NBEA: variants seen among roughly 807,000 people sequenced by gnomAD.
NBEA encodes the protein neurobeachin.
NBEA carries 44 observed loss-of-function variants against 343.4 expected under a neutral mutation model. The ratio of observed to expected loss-of-function variants is 0.13; its 90% CI spans 0.10 to 0.16. NBEA has a LOEUF of 0.16. Among genes scored for constraint, NBEA ranks in the 10% least tolerant of loss-of-function variants. The pLI is 1.00. For synonymous variants in NBEA, 1,175 were observed against 1,238.7 expected, an observed-to-expected ratio of 0.95 and a Z score of 1.08; for missense variants, 2,555 against 3,631.3, an observed-to-expected ratio of 0.70 and a Z score of 7.62.
intron 29 of NBEA, 50 bp from the exon 30 acceptor site, chr13:35,183,926 G>A (rs891485931): frequency 3.7e-6 from 5 of 1,337,014 alleles, no homozygotes; most frequent in Non-Finnish European, 5.3e-6. Flanking sequence ...GGACCATGTG[G>A]CAGGTTGTTA....
intron 38 of NBEA, among the ~76,000 whole-genome samples, chr13:35,427,624 TCTGTGTG>T (rs1594601110): frequency 1.3e-5 from 2 of 152,148 alleles, no homozygotes; most frequent in East Asian, 3.9e-4. Context: ...CAGATCTCAA[TCTGTGTG>T]CTGGGAGAAC....
intron 10 of NBEA, among the ~76,000 whole-genome samples, chr13:35,089,639 A>G (rs1433316716): frequency 1.6e-5 from 2 of 127,314 alleles, no homozygotes; most frequent in African/African-American, 6.3e-5. Context: ...TATTCACAAT[A>G]GCAAAGACTT....
At chr13:35,266,446 A>G (rs2033685100) in intron 34 of NBEA, among the ~76,000 whole-genome samples, 1 of 151,880 alleles carries the variant, frequency 6.6e-6, no homozygotes, top group Non-Finnish European at 1.5e-5. Context: ...TTAAGTGTCC[A>G]TTAACAGATT....
intron 1 of NBEA, among the ~76,000 whole-genome samples, chr13:35,023,574 A>C (rs2152542999): frequency 6.6e-6 from 1 of 152,288 alleles, no homozygotes. Context: ...GTGGAAGTTA[A>C]GTTGGGCCTT....
At position 35,588,747 on chromosome 13, in the gene NBEA, C is replaced by T. The variant is rs539081238; in HGVS notation, c.7177-4581C>T. Among the ~76,000 whole-genome samples the T allele has an allele frequency of 5.3e-5, 8 of 151,574 alleles. No individual in the cohort carries two copies. The South Asian group carries it at 8.3e-4, about 16-fold the overall frequency. ...TGGAATGTTTTTACTTTACAACTTA[C>T]CCTAGACATATAACATGTATACAGA... On this transcript the variant is annotated intron_variant, in intron 46 of 58. Coordinates refer to ENST00000379939, the MANE Select transcript of NBEA (RefSeq NM_001385012.1).
intron 17 of NBEA, among the ~76,000 whole-genome samples, chr13:35,124,951 A>C (rs992495256): frequency 2.0e-5 from 3 of 152,122 alleles, no homozygotes; most frequent in Non-Finnish European, 4.4e-5. Flanking sequence ...AATTAAAATA[A>C]ACTGACTGGA....
At chr13:35,248,611 TAAAC>T (rs143490267) in intron 34 of NBEA, among the ~76,000 whole-genome samples, 70,765 of 151,400 alleles carry the variant, frequency 0.47, 19,121 homozygotes, top group Non-Finnish European at 0.59. Flanking sequence ...AGCAAACAAA[TAAAC>T]AAACAAAAAA....
intron 34 of NBEA, among the ~76,000 whole-genome samples, chr13:35,253,248 C>G (rs1412684623): frequency 6.6e-6 from 1 of 152,162 alleles, no homozygotes; most frequent in Non-Finnish European, 1.5e-5. Flanking sequence ...TTTACAGATA[C>G]TATGTTAACA....
chr13:34,942,817 G>C lies in NBEA; in HGVS notation c.-4G>C. ...CTCTTCCCTTCTCCTCAGGAGGGGG[G>C]CCAATGGCTAGCGAGAAGCCGGGCC... On this transcript the variant is annotated 5_prime_UTR_variant, in exon 1 of 59. Transcript: ENST00000379939. 7.3e-7 allele frequency: 1 copy of C among 1,363,254 alleles called. No homozygotes were observed. Among genetic ancestry groups the C allele is most frequent in the Non-Finnish European group, 9.4e-7 (1 of 1,058,704 alleles). 84.4% of individuals were successfully genotyped at this position (1,363,254 alleles called of 1,614,324 possible). A position where few individuals can be genotyped will look rare whatever the true frequency, so the allele number is the denominator to read the frequency against.
chr13:35,082,485 A>T (rs2064467296), intron 10 of NBEA, among the ~76,000 whole-genome samples: 1 of 152,208 alleles, frequency 6.6e-6, no homozygotes, highest in Non-Finnish European at 1.5e-5. Context: ...TCCCTGAGGA[A>T]TCGCCACACT....
intron 1 of NBEA, among the ~76,000 whole-genome samples, chr13:34,991,144 T>C (rs1033174917): frequency 1.3e-5 from 2 of 152,228 alleles, no homozygotes; most frequent in Non-Finnish European, 2.9e-5. Context: ...TTGGTCTTCC[T>C]GTCTTATGAG....
chr13:35,141,369 C>T (rs1412042855), intron 17 of NBEA, among the ~76,000 whole-genome samples: 2 of 152,076 alleles, frequency 1.3e-5, no homozygotes, highest in African/African-American at 4.8e-5. Flanking sequence ...CAGGTTTAAG[C>T]GATTCTTCTG....
At chr13:35,427,763 G>T (rs1243892750) in intron 38 of NBEA, among the ~76,000 whole-genome samples, 1 of 152,186 alleles carries the variant, frequency 6.6e-6, no homozygotes, top group Non-Finnish European at 1.5e-5. Flanking sequence ...AGGCCTCCTT[G>T]AGCTGTGGTG....
intron 31 of NBEA, among the ~76,000 whole-genome samples, chr13:35,204,233 T>G (rs1310745824): frequency 6.6e-6 from 1 of 152,190 alleles, no homozygotes; most frequent in Non-Finnish European, 1.5e-5. Flanking sequence ...GTACTCCTTA[T>G]GATAATCTAA....
intron 13 of NBEA, among the ~76,000 whole-genome samples, chr13:35,113,769 C>T (rs557804991): frequency 1.2e-4 from 19 of 152,304 alleles, no homozygotes; most frequent in Non-Finnish European, 2.2e-4. Context: ...ACATAGTCAG[C>T]TCTGACATTG....
At chr13:35,418,832 G>A (rs758883340) in intron 38 of NBEA, among the ~76,000 whole-genome samples, 3 of 152,050 alleles carry the variant, frequency 2.0e-5, no homozygotes, top group Admixed American at 2.0e-4. Flanking sequence ...GTTTTAGTTC[G>A]TTGAGGCTGC....
At chr13:34,969,316 T>A (rs557054757) in intron 1 of NBEA, among the ~76,000 whole-genome samples, 28 of 146,706 alleles carry the variant, frequency 1.9e-4, no homozygotes, top group East Asian at 1.8e-3. Flanking sequence ...TTTTGGTTTT[T>A]AAAAAAAAAA....
At chr13:35,160,208 A>T (rs546367356) in intron 22 of NBEA, among the ~76,000 whole-genome samples, 176 bp downstream of exon 22, 2 of 152,272 alleles carry the variant, frequency 1.3e-5, no homozygotes, top group East Asian at 3.9e-4. Context: ...AACTAAAAAT[A>T]TCTCAATTAT....
chr13:35,541,182 G>A (rs1416703732), intron 41 of NBEA, among the ~76,000 whole-genome samples: 1 of 151,202 alleles, frequency 6.6e-6, no homozygotes, highest in Non-Finnish European at 1.5e-5. Context: ...TGTGTCCGTT[G>A]CCCCCCCACC....
Sources: allele counts gnomAD v4.1 joint callset (sites outside exome capture counted in the v4.1 genomes callset), GRCh38; gene constraint gnomAD v4.1.1; transcripts MANE v1.5; gene names NCBI Gene and HGNC (gene_info 2026-07-23, HGNC 2026-07-21).